Variants in CFAP54 observed in about 807,000 individuals in gnomAD.
CFAP54 encodes cilia- and flagella-associated protein 54.
CFAP54 carries 290 observed loss-of-function variants against 370.4 expected under a neutral mutation model. The ratio of observed to expected loss-of-function variants is 0.78; its 90% CI spans 0.71 to 0.86. The LOEUF (loss-of-function observed/expected upper bound fraction) is 0.86, where lower values mean the gene tolerates loss of function less well. CFAP54 is among the 40% of genes least tolerant of loss of function. The probability of loss-of-function intolerance (pLI) is 0.00; values close to 1 mark genes in which losing one functional copy is unlikely to be tolerated. For missense variants in CFAP54, 3,399 were observed against 3,528.7 expected (o/e 0.96, Z 0.93); for synonymous variants, 1,206 against 1,236.5 (o/e 0.98, Z 0.52).
intron 26 of CFAP54, among the ~76,000 whole-genome samples, chr12:96,600,595 G>A (rs1261883050): frequency 2.0e-5 from 3 of 152,044 alleles, no homozygotes; most frequent in African/African-American, 2.4e-5. Flanking sequence ...CCATTTTCAC[G>A]ATATTGATTC....
intron 35 of CFAP54, 44 bp downstream of exon 35, chr12:96,650,116 C>A: frequency 6.7e-7 from 1 of 1,499,546 alleles, no homozygotes. Context: ...ACATAAATTT[C>A]AGCCCACCAA....
intron 32 of CFAP54, among the ~76,000 whole-genome samples, chr12:96,638,241 G>GTGTGTA (rs1297564468): frequency 8.1e-6 from 1 of 123,066 alleles, no homozygotes; most frequent in African/African-American, 3.5e-5. Flanking sequence ...GTGTGTGTGT[G>GTGTGTA]TATATATATA....
intron 22 of CFAP54, among the ~76,000 whole-genome samples, chr12:96,586,870 G>A (rs953782609): frequency 3.9e-5 from 6 of 152,184 alleles, no homozygotes; most frequent in African/African-American, 1.4e-4. Context: ...AGAACGTAAG[G>A]GGGTAGAGTG....
intron 60 of CFAP54, among the ~76,000 whole-genome samples, chr12:96,778,046 T>G (rs932908451): frequency 6.6e-6 from 1 of 152,246 alleles, no homozygotes; most frequent in Non-Finnish European, 1.5e-5. Context: ...CTAGGCATGC[T>G]TCTTTGAAAA....
intron 38 of CFAP54, among the ~76,000 whole-genome samples, chr12:96,659,552 T>A (rs2136515254): frequency 6.6e-6 from 1 of 152,374 alleles, no homozygotes; most frequent in East Asian, 1.9e-4. Flanking sequence ...CTTGTATTTA[T>A]ACCAACGCAA....
intron 58 of CFAP54, among the ~76,000 whole-genome samples, chr12:96,760,324 T>G (rs1167425841): frequency 6.6e-6 from 1 of 152,092 alleles, no homozygotes. Flanking sequence ...ATTTTAAGAC[T>G]GCAGTCCACA....
chr12:96,558,183 A>C (rs1955775046), intron 17 of CFAP54, among the ~76,000 whole-genome samples: 2 of 152,286 alleles, frequency 1.3e-5, no homozygotes, highest in South Asian at 4.1e-4. Flanking sequence ...ATACATGATA[A>C]ATATATTTTT....
At chr12:96,585,773 C>T (rs992262967) in intron 22 of CFAP54, among the ~76,000 whole-genome samples, 2 of 152,202 alleles carry the variant, frequency 1.3e-5, no homozygotes, top group African/African-American at 4.8e-5. Context: ...TCCTATCTCT[C>T]AACTCCTATG....
At chr12:96,855,449 C>G (rs953216858) in intron 66 of CFAP54, among the ~76,000 whole-genome samples, 4 of 152,170 alleles carry the variant, frequency 2.6e-5, no homozygotes, top group Non-Finnish European at 4.4e-5. Flanking sequence ...CCTGTAAAAT[C>G]AAAAGAAGGT....
chr12:96,820,735 T>C (rs1959023589), intron 65 of CFAP54, among the ~76,000 whole-genome samples: 2 of 152,218 alleles, frequency 1.3e-5, no homozygotes, highest in African/African-American at 2.4e-5. Flanking sequence ...GCTATAACTA[T>C]AGATATAGGT....
intron 39 of CFAP54, among the ~76,000 whole-genome samples, chr12:96,669,974 G>A (rs1427825582): frequency 1.3e-5 from 2 of 152,158 alleles, no homozygotes; most frequent in Non-Finnish European, 2.9e-5. Flanking sequence ...CAGCTATACA[G>A]CAGTAACAAA....
At chr12:96,591,179 T>C (rs751121799) in intron 23 of CFAP54, among the ~76,000 whole-genome samples, 2 of 151,958 alleles carry the variant, frequency 1.3e-5, no homozygotes, top group African/African-American at 2.4e-5. Flanking sequence ...GCCAGAGATA[T>C]TAAATATCAG....
At chr12:96,629,017 A>G (rs974940125) in intron 30 of CFAP54, among the ~76,000 whole-genome samples, 1 of 152,214 alleles carries the variant, frequency 6.6e-6, no homozygotes. Flanking sequence ...AGGTCCGCTC[A>G]GTTCCTGTTG....
intron 38 of CFAP54, among the ~76,000 whole-genome samples, chr12:96,663,061 G>A (rs201123170): frequency 1.1e-4 from 17 of 152,214 alleles, no homozygotes; most frequent in African/African-American, 3.6e-4. Flanking sequence ...TGTTTGGCAC[G>A]TAATAGGTGT....
At chr12:96,549,338 G>C (rs541693282) in intron 15 of CFAP54, among the ~76,000 whole-genome samples, 2 of 152,166 alleles carry the variant, frequency 1.3e-5, no homozygotes, top group East Asian at 3.9e-4. Context: ...TTTCTTTTAA[G>C]GTGGCAATTT....
chr12:96,760,528 A>G (rs971854099), intron 58 of CFAP54, among the ~76,000 whole-genome samples: 1 of 152,196 alleles, frequency 6.6e-6, no homozygotes, highest in South Asian at 2.1e-4. Context: ...AAATAGAATG[A>G]TAGAGTTTAT....
At position 96,589,493 on chromosome 12, in the gene CFAP54, G is replaced by C; in HGVS notation, c.3142G>C (p.Val1048Leu). 1 of 1,518,122 alleles carries C rather than the reference G, an allele frequency of 6.6e-7. No individual in the cohort carries two copies. The highest frequency in any genetic ancestry group is 1.2e-5 in the South Asian group (1 of 83,556). The allele number at this position is 1,518,122 out of a possible 1,614,324, so 94.0% of individuals were successfully genotyped here. A position where few individuals can be genotyped will look rare whatever the true frequency, so the allele number is the denominator to read the frequency against. Reference protein sequence around the residue: ...KVFSPVWDYFVASPLQDEQSV... With the variant: ...KVFSPVWDYFLASPLQDEQSV... ...TTTCTCACCAGTTTGGGATTATTTT[G>C]TTGCTTCGCCACTTCAGGATGAACA... The change falls in exon 23 of 68, where the codon GTT (valine) becomes CTT (leucine). Residue 1048 changes from valine (V) to leucine (L), a missense_variant. By Grantham distance (32) the Val-to-Leu change is conservative. This residue lies in a region of CFAP54 where 2,796 missense variants were observed against 2,869.7 expected (regional missense o/e 0.97). Transcript: ENST00000524981.
chr12:96,612,461 T>C (rs1052650459), intron 26 of CFAP54, among the ~76,000 whole-genome samples: 2 of 152,308 alleles, frequency 1.3e-5, no homozygotes, highest in African/African-American at 4.8e-5. Context: ...CCATCGATGC[T>C]AGGAAGAAAC....
chr12:96,670,196 G>A (rs1957128766), intron 39 of CFAP54, among the ~76,000 whole-genome samples: 1 of 152,150 alleles, frequency 6.6e-6, no homozygotes, highest in Admixed American at 6.5e-5. Context: ...AGAGTCATGG[G>A]CTATGGGCAC....
Sources: allele counts gnomAD v4.1 joint callset (sites outside exome capture counted in the v4.1 genomes callset), GRCh38; gene constraint gnomAD v4.1.1; regional missense constraint gnomAD v4.1.1; transcripts MANE v1.5; gene names NCBI Gene and HGNC (gene_info 2026-07-23, HGNC 2026-07-21).